Variants in UVRAG observed in about 807,000 individuals in gnomAD.
The protein encoded by UVRAG is UV radiation resistance-associated gene protein.
UVRAG carries 19 observed loss-of-function variants against 78.0 expected under a neutral mutation model. The observed-to-expected ratio is 0.24, with a 90% CI of 0.17 to 0.36. The LOEUF is 0.36. UVRAG is among the 10% of genes least tolerant of loss of function. The probability of loss-of-function intolerance (pLI) is 1.00; values close to 1 mark genes in which losing one functional copy is unlikely to be tolerated. For missense variants in UVRAG, 740 were observed against 853.8 expected, an observed-to-expected ratio of 0.87 and a Z score of 1.66; for synonymous variants, 323 against 324.6, an observed-to-expected ratio of 1.00 and a Z score of 0.05.
intron 6 of UVRAG, among the ~76,000 whole-genome samples, chr11:75,923,341 G>A (rs1948019743): frequency 1.3e-5 from 2 of 152,038 alleles, no homozygotes; most frequent in Non-Finnish European, 2.9e-5. Flanking sequence ...TTAGTTTTTA[G>A]CAGTTGTGTT....
intron 6 of UVRAG, among the ~76,000 whole-genome samples, chr11:75,953,954 G>GATAGTT (rs1275049890): frequency 6.6e-6 from 1 of 152,120 alleles, no homozygotes; most frequent in East Asian, 1.9e-4. Flanking sequence ...AGATTCTTTT[G>GATAGTT]ATAGTTTGCA....
At chr11:75,988,433 G>T (rs1289334626) in intron 8 of UVRAG, among the ~76,000 whole-genome samples, 1 of 152,202 alleles carries the variant, frequency 6.6e-6, no homozygotes, top group African/African-American at 2.4e-5. Flanking sequence ...GTGGTTGTAT[G>T]TGTCAGGAAT....
intron 7 of UVRAG, among the ~76,000 whole-genome samples, chr11:75,965,346 C>G (rs1364406670): frequency 6.6e-6 from 1 of 151,898 alleles, no homozygotes; most frequent in Non-Finnish European, 1.5e-5. Context: ...GAGTCTCGCT[C>G]TGTCGCCCAG....
At chr11:75,986,056 G>C (rs916934987) in intron 8 of UVRAG, among the ~76,000 whole-genome samples, 1 of 152,078 alleles carries the variant, frequency 6.6e-6, no homozygotes, top group Non-Finnish European at 1.5e-5. Context: ...AACCTTGCTA[G>C]GATATTTTTT....
intron 11 of UVRAG, among the ~76,000 whole-genome samples, chr11:76,013,643 C>T (rs1233016851): frequency 2.6e-4 from 39 of 152,142 alleles, no homozygotes; most frequent in Admixed American, 2.6e-3. Flanking sequence ...GGTTTTTTAG[C>T]TAAAGTGATT....
intron 8 of UVRAG, among the ~76,000 whole-genome samples, chr11:75,998,768 C>CA (rs528391607): frequency 1.1e-3 from 162 of 152,266 alleles, no homozygotes; most frequent in Non-Finnish European, 2.0e-3. Context: ...GTGACTACGG[C>CA]AGATATAAGG....
chr11:76,107,657 A>G (rs1951995530), intron 13 of UVRAG, among the ~76,000 whole-genome samples: 2 of 152,184 alleles, frequency 1.3e-5, no homozygotes, highest in Admixed American at 6.5e-5. Flanking sequence ...TTTTCCTTAG[A>G]GGTATATATT....
chr11:75,954,136 G>A (rs930589919), intron 6 of UVRAG, among the ~76,000 whole-genome samples: 2 of 152,030 alleles, frequency 1.3e-5, no homozygotes, highest in African/African-American at 4.8e-5. Flanking sequence ...TTGAAAGGGG[G>A]GTGTTATTAG....
chr11:75,948,997 A>C (rs1948634705), intron 6 of UVRAG, among the ~76,000 whole-genome samples: 1 of 152,208 alleles, frequency 6.6e-6, no homozygotes, highest in Admixed American at 6.5e-5. Context: ...CAAATGAAGA[A>C]CAGGGATTCT....
At chr11:76,128,934 TTCTTC>T (rs1952464265) in intron 14 of UVRAG, among the ~76,000 whole-genome samples, 1 of 152,242 alleles carries the variant, frequency 6.6e-6, no homozygotes, top group Non-Finnish European at 1.5e-5. Context: ...TATTCTATAA[TTCTTC>T]TCTTAATGGA....
intron 3 of UVRAG, among the ~76,000 whole-genome samples, chr11:75,864,864 A>G (rs1363900222): frequency 6.6e-6 from 1 of 152,252 alleles, no homozygotes; most frequent in Non-Finnish European, 1.5e-5. Context: ...GCTTGTAAGT[A>G]TCTTTTTCAC....
Position 75,862,422 on chromosome 11 carries a change from AAAG to A in UVRAG, c.270+647_270+649del, listed in dbSNP as rs927548045. Among the ~76,000 whole-genome samples the A allele has an allele frequency of 5.9e-5, 9 of 152,172 alleles. No individual in the cohort carries two copies. In the East Asian group the frequency reaches 1.2e-3, roughly 20 times the overall value. ...CAATTTATTAGGCTGTGTTGAAAAC[AAAG>A]AAGACCTTTCTGGTAATGAAAATAT... is the stretch of plus-strand genomic sequence containing the variant. On this transcript the variant is annotated intron_variant, in intron 3 of 14. Transcript: ENST00000356136.
chr11:76,024,294 T>G (rs1309924880), intron 12 of UVRAG, among the ~76,000 whole-genome samples: 2 of 152,170 alleles, frequency 1.3e-5, no homozygotes, highest in Admixed American at 6.6e-5. Flanking sequence ...TGCCCCAGTG[T>G]GAGTAGCAGC....
intron 8 of UVRAG, among the ~76,000 whole-genome samples, chr11:76,001,983 A>C (rs1949822719): frequency 6.6e-6 from 1 of 152,176 alleles, no homozygotes. Flanking sequence ...CTAGGGAGAA[A>C]TTTATATGAG....
At chr11:75,899,652 T>C (rs1418123365) in intron 5 of UVRAG, among the ~76,000 whole-genome samples, 1 of 152,226 alleles carries the variant, frequency 6.6e-6, no homozygotes, top group Non-Finnish European at 1.5e-5. Context: ...CTTCATATAG[T>C]GTGACAGCGT....
chr11:76,087,269 T>A (rs530794518), intron 13 of UVRAG, among the ~76,000 whole-genome samples: 1 of 152,324 alleles, frequency 6.6e-6, no homozygotes, highest in African/African-American at 2.4e-5. Context: ...TGGAGAAGTA[T>A]TTACAATTAC....
At chr11:75,837,476 A>C (rs1478370142) in intron 1 of UVRAG, 1 of 152,070 alleles carries the variant, frequency 6.6e-6, no homozygotes, top group East Asian at 1.9e-4. Flanking sequence ...AATGCTATGT[A>C]AATAGTTGTT....
intron 13 of UVRAG, among the ~76,000 whole-genome samples, chr11:76,100,972 G>T (rs974383395): frequency 6.6e-6 from 1 of 152,098 alleles, no homozygotes; most frequent in African/African-American, 2.4e-5. Context: ...ATATTCCATG[G>T]TGTATATGTA....
chr11:75,877,430 G>T (rs1249317968), intron 3 of UVRAG, among the ~76,000 whole-genome samples: 1 of 151,678 alleles, frequency 6.6e-6, no homozygotes, highest in African/African-American at 2.4e-5. Context: ...GGGCGGCCGG[G>T]CAGAGGTGCC....
Sources: allele counts gnomAD v4.1 joint callset (sites outside exome capture counted in the v4.1 genomes callset), GRCh38; gene constraint gnomAD v4.1.1; transcripts MANE v1.5; gene names NCBI Gene and HGNC (gene_info 2026-07-23, HGNC 2026-07-21).